PKD2: variants seen among roughly 807,000 people sequenced by gnomAD.
PKD2 encodes polycystin-2.
Under a neutral mutation model 105.9 loss-of-function variants are expected in PKD2, and 48 were observed. The observed-to-expected ratio is 0.45, with a 90% CI of 0.36 to 0.58. The LOEUF (loss-of-function observed/expected upper bound fraction) is 0.58, where lower values mean the gene tolerates loss of function less well. PKD2 is among the 20% of genes least tolerant of loss of function. PKD2 has a pLI of 0.00. For synonymous variants in PKD2, 464 were observed against 481.1 expected, an observed-to-expected ratio of 0.96 and a Z score of 0.46; for missense variants, 1,078 against 1,255.3, an observed-to-expected ratio of 0.86 and a Z score of 2.13.
intron 4 of PKD2, among the ~76,000 whole-genome samples, chr4:88,040,846 TTC>T (rs1466077830): frequency 6.6e-6 from 1 of 152,214 alleles, no homozygotes; most frequent in Non-Finnish European, 1.5e-5. Flanking sequence ...TTTCTTTCTT[TTC>T]TCTCTTTCCC....
intron 2 of PKD2, among the ~76,000 whole-genome samples, chr4:88,020,357 T>C (rs1038468104): frequency 3.3e-4 from 50 of 152,236 alleles, no homozygotes; most frequent in African/African-American, 1.1e-3. Flanking sequence ...TAATTCATTA[T>C]TTCTTCTCAA....
At position 88,075,561 on chromosome 4, in the gene PKD2, T is replaced by A; in HGVS notation, c.2774T>A (p.Ile925Asn). 6.2e-7 allele frequency: 1 copy of A among 1,614,114 alleles called. No homozygotes were observed. The highest frequency in any genetic ancestry group is 8.5e-7 in the Non-Finnish European group (1 of 1,179,998). The change falls in exon 15 of 15, where the codon ATC becomes AAC. Residue 925 changes from isoleucine to asparagine, a missense_variant. Around this residue, in one of 2 missense-constraint regions of PKD2, gnomAD observed 868 missense variants for 1,067.3 expected, o/e 0.81. Coordinates refer to ENST00000237596, the MANE Select transcript of PKD2 (RefSeq NM_000297.4). ...GAATCCGATGATGCAGCTTCCCAGA[T>A]CAGTCATGGTTTAGGCACGCCAGTG... ...RWESDDAASQ[I>N]SHGLGTPVGL...
chr4:88,032,659 T>C (rs1224079942), intron 2 of PKD2, among the ~76,000 whole-genome samples: 2 of 152,236 alleles, frequency 1.3e-5, no homozygotes, highest in Non-Finnish European at 2.9e-5. Flanking sequence ...CAGTAAATTT[T>C]TCTTCACAAT....
At chr4:88,011,153 G>A (rs1347199409) in intron 1 of PKD2, among the ~76,000 whole-genome samples, 1 of 152,190 alleles carries the variant, frequency 6.6e-6, no homozygotes, top group East Asian at 1.9e-4. Flanking sequence ...AGATTTAAAA[G>A]TATCCTCAAG....
intron 1 of PKD2, among the ~76,000 whole-genome samples, chr4:88,017,390 G>A (rs1439826300): frequency 6.6e-6 from 1 of 152,154 alleles, no homozygotes; most frequent in East Asian, 1.9e-4. Flanking sequence ...AATTGCCGTA[G>A]GCCATCACAA....
chr4:88,076,915 T>TA lies in PKD2; in HGVS notation c.*1227dup, dbSNP rs1216536879. Reference sequence around the variant, plus strand: ...GTAATGCAAATGGAGCTCAGTCTAATAAAAAAGAGGTTTTGGTATTAAAAG... The same window carrying TA: ...GTAATGCAAATGGAGCTCAGTCTAATAAAAAAAGAGGTTTTGGTATTAAAAG... On this transcript the variant is annotated 3_prime_UTR_variant, in exon 15 of 15. Transcript: ENST00000237596. 6.6e-6 allele frequency: 1 copy of TA among 152,142 alleles called. No individual in the cohort carries two copies. Among genetic ancestry groups the TA allele is most frequent in the Non-Finnish European group, 1.5e-5 (1 of 68,008 alleles). The allele number at this position is 152,142 out of a possible 1,614,324, so 9.4% of individuals were successfully genotyped here.
rs1451256480 is a variant in PKD2 at position 88,076,862 on chromosome 4, T to G, written c.*1168T>G. On this transcript the variant is annotated 3_prime_UTR_variant, in exon 15 of 15. Transcript: ENST00000237596. ...TAAAAAATATAGTACTCAAGTATTC[T>G]TGATCCTGTGTTTCAAAACTAGAAT... 6.6e-6 allele frequency: 1 copy of G among 152,180 alleles called. No individual in the cohort carries two copies. The highest frequency in any genetic ancestry group is 2.4e-5 in the African/African-American group (1 of 41,430). The allele number at this position is 152,180 out of a possible 1,614,324, so 9.4% of individuals were successfully genotyped here.
chr4:88,042,448 C>A (rs1205415850), intron 4 of PKD2, among the ~76,000 whole-genome samples: 2 of 152,154 alleles, frequency 1.3e-5, no homozygotes, highest in Admixed American at 1.3e-4. Flanking sequence ...GTGGGAGTTA[C>A]AATTCAAGAT....
chr4:88,041,160 C>T (rs990939702), intron 4 of PKD2, among the ~76,000 whole-genome samples: 2 of 152,138 alleles, frequency 1.3e-5, no homozygotes, highest in Non-Finnish European at 2.9e-5. Flanking sequence ...ATGGCACTGC[C>T]GTCTTCCTAT....
Position 88,019,573 on chromosome 4 carries a change from T to TA in PKD2, c.709+4dup. 2.8e-6 allele frequency: 4 copies of TA among 1,409,920 alleles called. No individual in the cohort carries two copies. Among genetic ancestry groups the TA allele is most frequent in the Non-Finnish European group, 4.0e-6 (4 of 993,370 alleles). 87.3% of individuals were successfully genotyped at this position (1,409,920 alleles called of 1,614,324 possible). ...TTTTTCTCATAGTCTTGTGCATCTG[T>TA]AAGTAGAATATTTCCTTGCACTAAT... On this transcript the variant is annotated splice_region_variant and intron_variant, in intron 2 of 14. Coordinates refer to ENST00000237596, the MANE Select transcript of PKD2 (RefSeq NM_000297.4).
intron 7 of PKD2, among the ~76,000 whole-genome samples, chr4:88,053,225 T>C (rs970592523): frequency 1.3e-5 from 2 of 152,200 alleles, no homozygotes; most frequent in African/African-American, 2.4e-5. Flanking sequence ...GTTCAATGGC[T>C]ACTGTCTAGG....
intron 5 of PKD2, 35 bp from the exon 6 acceptor site, chr4:88,046,607 T>G: frequency 8.5e-7 from 1 of 1,178,826 alleles, no homozygotes; most frequent in African/African-American, 1.6e-5. Flanking sequence ...TGTGTTGTTG[T>G]TGTTATTGTT....
At position 88,008,017 on chromosome 4, in the gene PKD2, A is replaced by G. The variant is rs1256039465; in HGVS notation, c.284A>G (p.Glu95Gly). 1 of 1,520,998 alleles carries G rather than the reference A, an allele frequency of 6.6e-7. No homozygotes were observed. The highest frequency in any genetic ancestry group is 8.8e-7 in the Non-Finnish European group (1 of 1,139,210). The allele number at this position is 1,520,998 out of a possible 1,614,324, so 94.2% of individuals were successfully genotyped here. A position where few individuals can be genotyped will look rare whatever the true frequency, so the allele number is the denominator to read the frequency against. Residue 95 changes from glutamate (E) to glycine (G), a missense_variant, in exon 1 of 15, where the codon GAG becomes GGG. Physicochemically the swap from Glu to Gly is moderately conservative, Grantham distance 98. Around this residue, in one of 2 missense-constraint regions of PKD2, gnomAD observed 210 missense variants for 187.9 expected, o/e 1.12. Transcript: ENST00000237596. Reference protein sequence around the residue: ...QAWSRDNPGFEAEEEEEEVEG... With the variant: ...QAWSRDNPGFGAEEEEEEVEG... ...TGGAGCCGCGATAACCCCGGCTTCG[A>G]GGCCGAGGAGGAGGAGGAGGAGGTG...
intron 7 of PKD2, 133 bp from the exon 8 acceptor site, chr4:88,055,953 A>G (rs1218147218): frequency 5.6e-6 from 4 of 708,714 alleles, no homozygotes; most frequent in Non-Finnish European, 7.6e-6. Context: ...ACTTTGCATG[A>G]TGTTTTCAAG....
chr4:88,051,886 G>A (rs1030058583), intron 6 of PKD2, 105 bp from the exon 7 acceptor site: 1 of 668,650 alleles, frequency 1.5e-6, no homozygotes, highest in African/African-American at 1.8e-5. Flanking sequence ...ATAATGGTGA[G>A]CCCTTATAAT....
intron 6 of PKD2, among the ~76,000 whole-genome samples, chr4:88,049,366 G>A (rs372730256): frequency 2.0e-5 from 3 of 152,116 alleles, no homozygotes; most frequent in Non-Finnish European, 4.4e-5. Flanking sequence ...CTGCTTTGGC[G>A]ACCAATAGGA....
intron 7 of PKD2, among the ~76,000 whole-genome samples, chr4:88,054,648 TAC>T (rs1436468143): frequency 4.4e-5 from 6 of 137,544 alleles, no homozygotes; most frequent in Non-Finnish European, 9.2e-5. Context: ...ATCATGACTC[TAC>T]TTTTTTTTTT....
intron 6 of PKD2, among the ~76,000 whole-genome samples, chr4:88,050,164 CAG>C: frequency 6.6e-6 from 1 of 151,866 alleles, no homozygotes; most frequent in Non-Finnish European, 1.5e-5. Context: ...TTAGTAGAGA[CAG>C]GGTTTCACCG....
intron 1 of PKD2, among the ~76,000 whole-genome samples, chr4:88,018,531 T>A (rs1726638092): frequency 6.6e-6 from 1 of 152,074 alleles, no homozygotes; most frequent in African/African-American, 2.4e-5. Context: ...ACTGAAAGGA[T>A]TGAGAGGTTT....
Sources: allele counts gnomAD v4.1 joint callset (sites outside exome capture counted in the v4.1 genomes callset), GRCh38; gene constraint gnomAD v4.1.1; regional missense constraint gnomAD v4.1.1; transcripts MANE v1.5; gene names NCBI Gene and HGNC (gene_info 2026-07-23, HGNC 2026-07-21).